Variants in CYP1A2 observed in about 807,000 individuals in gnomAD.
The protein encoded by CYP1A2 is cytochrome P450 family 1 subfamily A member 2.
Under a neutral mutation model 34.7 loss-of-function variants are expected in CYP1A2, and 35 were observed. The ratio of observed to expected loss-of-function variants is 1.01; its 90% confidence interval spans 0.77 to 1.34. The LOEUF (loss-of-function observed/expected upper bound fraction) is 1.34. Ranked by LOEUF, CYP1A2 falls within the 40% of genes most tolerant of loss-of-function variation. CYP1A2 has a pLI of 0.00. For missense variants in CYP1A2, 675 were observed against 675.8 expected (o/e 1.00, Z 0.01); for synonymous variants, 288 against 281.9 (o/e 1.02, Z -0.22).
chr15:74,749,631 C>A, intron 1 of CYP1A2, 99 bp from the exon 2 acceptor site: 1 of 1,032,910 alleles, frequency 9.7e-7, no homozygotes, highest in Non-Finnish European at 1.4e-6. Flanking sequence ...GGGAGCCAAG[C>A]ACAGAACACG....
At position 74,755,366 on chromosome 15, in the gene CYP1A2, C is replaced by CA. The variant is rs1358442567; in HGVS notation, c.*281dup. 5.8e-5 allele frequency: 15 copies of CA among 258,712 alleles called. No individual in the cohort carries two copies. Among genetic ancestry groups the CA allele is most frequent in the Admixed American group, 3.7e-4 (6 of 16,038 alleles). 16.0% of individuals were successfully genotyped at this position (258,712 alleles called of 1,614,324 possible). A position where few individuals can be genotyped will look rare whatever the true frequency, so the allele number is the denominator to read the frequency against. On this transcript the variant is annotated 3_prime_UTR_variant, in exon 7 of 7. Coordinates refer to ENST00000343932, the MANE Select transcript of CYP1A2 (RefSeq NM_000761.5). ...ACCCCATCTCAAAAAAAAAAACAAA[C>CA]AAACAAAAAAAAAACCATATATATA...
At chr15:74,750,979 G>C (rs1055034493) in intron 2 of CYP1A2, among the ~76,000 whole-genome samples, 1 of 152,166 alleles carries the variant, frequency 6.6e-6, no homozygotes, top group Admixed American at 6.5e-5. Context: ...GTGTTATTGG[G>C]AGGAAGGGTC....
At chr15:74,751,741 C>T (rs779844693) in intron 3 of CYP1A2, 24 bp from the exon 4 acceptor site, 9 of 1,602,878 alleles carry the variant, frequency 5.6e-6, no homozygotes, top group East Asian at 2.2e-5. Flanking sequence ...TCCTTCTTTC[C>T]TCACCTTACA....
chr15:74,755,158 CTTCCT>C lies in CYP1A2; in HGVS notation c.*74_*78del. 1 of 1,513,478 alleles carries C rather than the reference CTTCCT, an allele frequency of 6.6e-7. No homozygotes were observed. Among genetic ancestry groups the C allele is most frequent in the South Asian group, 1.2e-5 (1 of 81,244 alleles). The allele number at this position is 1,513,478 out of a possible 1,614,324, so 93.8% of individuals were successfully genotyped here. On this transcript the variant is annotated 3_prime_UTR_variant, in exon 7 of 7. Transcript: ENST00000343932. ...CCACGGGGACTCAGCCCTTGTTTCTCTTCCTTTCTTTTTTTAAAAAATAGCAGCTT... is the reference window on the plus strand; with the variant it reads ...CCACGGGGACTCAGCCCTTGTTTCTCTTCTTTTTTTAAAAAATAGCAGCTT...
intron 6 of CYP1A2, 141 bp from the exon 7 acceptor site, chr15:74,754,650 G>A (rs1344970516): frequency 2.7e-5 from 20 of 743,834 alleles, no homozygotes; most frequent in Non-Finnish European, 4.0e-5. Flanking sequence ...TCAAAGTTCA[G>A]TTTGGTTCCT....
Position 74,751,185 on chromosome 15 carries a change from T to C in CYP1A2, c.832-4T>C, listed in dbSNP as rs1220092784. 11 of 1,613,856 alleles carry C rather than the reference T, an allele frequency of 6.8e-6. No homozygotes were observed. Among genetic ancestry groups the C allele is most frequent in the Non-Finnish European group, 9.3e-6 (11 of 1,179,894 alleles). ...GAGGTGCCCCTAAGCTTGTGCCCCCTCAGAACAGTGTCCGGGACATCACGG... is the reference window on the plus strand; with the variant it reads ...GAGGTGCCCCTAAGCTTGTGCCCCCCCAGAACAGTGTCCGGGACATCACGG... On this transcript the variant is annotated splice_region_variant and splice_polypyrimidine_tract_variant and intron_variant, in intron 2 of 6. Coordinates refer to ENST00000343932, the MANE Select transcript of CYP1A2 (RefSeq NM_000761.5).
At chr15:74,753,092 G>A in intron 5 of CYP1A2, 92 bp from the exon 6 acceptor site, 1 of 913,136 alleles carries the variant, frequency 1.1e-6, no homozygotes, top group East Asian at 2.6e-5. Context: ...GGAGATGGCG[G>A]TGGGCAGGCT....
chr15:74,752,292 A>G, intron 5 of CYP1A2, 45 bp downstream of exon 5: 1 of 1,607,054 alleles, frequency 6.2e-7, no homozygotes, highest in Non-Finnish European at 8.5e-7. Context: ...AGTGCTTGCC[A>G]TGTTTTCTCT....
intron 6 of CYP1A2, 64 bp downstream of exon 6, chr15:74,753,334 C>T (rs1249301923): frequency 6.2e-6 from 8 of 1,286,310 alleles, no homozygotes; most frequent in Non-Finnish European, 7.9e-6. Context: ...CTGTTTGTCC[C>T]TGCTAGGAAC....
At chr15:74,753,401 T>C (rs2063325380) in intron 6 of CYP1A2, 131 bp downstream of exon 6, 3 of 679,716 alleles carry the variant, frequency 4.4e-6, no homozygotes, top group East Asian at 3.2e-5. Context: ...TAAGTGACGA[T>C]ATTTACAAAA....
At chr15:74,751,878 T>G (rs56191206) in intron 4 of CYP1A2, 24 bp downstream of exon 4, 2 of 1,608,078 alleles carry the variant, frequency 1.2e-6, no homozygotes, top group South Asian at 2.2e-5. Context: ...CCCAACCCTA[T>G]AGCCAGGAGA....
intron 3 of CYP1A2, 37 bp from the exon 4 acceptor site, chr15:74,751,728 T>C: frequency 6.3e-7 from 1 of 1,584,412 alleles, no homozygotes; most frequent in Non-Finnish European, 8.6e-7. Context: ...CTTGTTTCTG[T>C]CTTCCTTCTT....
chr15:74,750,176 C>T lies in CYP1A2; in HGVS notation c.438C>T (p.Thr146=). Residue 146 remains threonine (T), a synonymous_variant, in exon 2 of 7, where the codon ACC becomes ACT. Transcript: ENST00000343932. ...RRRLAQNALN[T]FSIASDPASS... is the part of the protein sequence containing the mutation. ...GCCTGGCCCAGAATGCCCTCAACAC[C>T]TTCTCCATCGCCTCTGACCCAGCTT... The T allele has an allele frequency of 1.2e-6, 2 of 1,614,182 alleles. No homozygotes were observed. The highest frequency in any genetic ancestry group is 1.1e-5 in the South Asian group (1 of 91,086).
Position 74,751,819 on chromosome 15 carries a change from A to C in CYP1A2, c.1007A>C (p.Lys336Thr). ...ISWSLMYLVT[K>T]PEIQRKIQKE... ...TGGAGCCTCATGTACCTTGTGACCAAGCCTGAGATACAGAGGAAGATCCAG... is the reference window on the plus strand; with the variant it reads ...TGGAGCCTCATGTACCTTGTGACCACGCCTGAGATACAGAGGAAGATCCAG... Residue 336 changes from lysine to threonine, a missense_variant, in exon 4 of 7, where the codon AAG becomes ACG. Physicochemically the swap from Lys to Thr is moderately conservative, Grantham distance 78. Transcript: ENST00000343932. 1.2e-6 allele frequency: 2 copies of C among 1,614,136 alleles called. No individual in the cohort carries two copies. The highest frequency in any genetic ancestry group is 1.7e-6 in the Non-Finnish European group (2 of 1,180,014).
chr15:74,754,548 C>T (rs2063329512), intron 6 of CYP1A2, among the ~76,000 whole-genome samples: 1 of 150,822 alleles, frequency 6.6e-6, no homozygotes, highest in African/African-American at 2.4e-5. Context: ...GTGCAGTGAG[C>T]TGAGATCGCA....
chr15:74,751,856 T>C lies in CYP1A2; in HGVS notation c.1042+2T>C. On this transcript the variant is annotated splice_donor_variant, in intron 4 of 6. Coordinates refer to ENST00000343932, the MANE Select transcript of CYP1A2 (RefSeq NM_000761.5). LOFTEE classifies it high-confidence loss of function. ...AGAGGAAGATCCAGAAGGAGCTGGG[T>C]ACATGGGGGCCCCCAACCCTATAGC... is the stretch of plus-strand genomic sequence containing the variant. The C allele has an allele frequency of 6.2e-7, 1 of 1,613,832 alleles. No individual in the cohort carries two copies.
chr15:74,754,866 C>T lies in CYP1A2; in HGVS notation c.1329C>T (p.Pro443=). ...CCGATGGCACTGCCATTAACAAGCC[C>T]TTGAGTGAGAAGATGATGCTGTTTG... ...LTADGTAINK[P]LSEKMMLFGM... The change falls in exon 7 of 7, where the codon CCC becomes CCT. Residue 443 remains proline, a synonymous_variant. Transcript: ENST00000343932. 6.2e-7 allele frequency: 1 copy of T among 1,614,196 alleles called. No homozygotes were observed. The highest frequency in any genetic ancestry group is 8.5e-7 in the Non-Finnish European group (1 of 1,180,046).
At chr15:74,753,764 T>C (rs1411968910) in intron 6 of CYP1A2, among the ~76,000 whole-genome samples, 3 of 150,518 alleles carry the variant, frequency 2.0e-5, no homozygotes, top group African/African-American at 7.3e-5. Context: ...AACCAAGACG[T>C]TTGTTACAGG....
At chr15:74,752,353 T>C (rs540758077) in intron 5 of CYP1A2, 106 bp downstream of exon 5, 25 of 1,478,754 alleles carry the variant, frequency 1.7e-5, no homozygotes, top group Non-Finnish European at 2.2e-5. Flanking sequence ...CCCGACCTCG[T>C]TCCCCACAGA....
Sources: allele counts gnomAD v4.1 joint callset (sites outside exome capture counted in the v4.1 genomes callset), GRCh38; gene constraint gnomAD v4.1.1; transcripts MANE v1.5; gene names NCBI Gene and HGNC (gene_info 2026-07-23, HGNC 2026-07-21).